PSMA3: variants seen among roughly 807,000 people sequenced by gnomAD.
PSMA3 encodes proteasome subunit alpha type-3.
In PSMA3, 8 loss-of-function variants were observed where a neutral mutation model predicts 40.0. The ratio of observed to expected loss-of-function variants is 0.20; its 90% CI spans 0.12 to 0.36. PSMA3 has a LOEUF of 0.36. Ranked by LOEUF, PSMA3 falls within the 10% of genes least tolerant of loss-of-function variation. The pLI, the probability that PSMA3 is intolerant of heterozygous loss-of-function variation, is 1.00. For missense variants in PSMA3, 219 were observed against 310.6 expected, an observed-to-expected ratio of 0.70 and a Z score of 2.22; for synonymous variants, 110 against 100.0, an observed-to-expected ratio of 1.10 and a Z score of -0.59.
intron 2 of PSMA3, 103 bp downstream of exon 2, chr14:58,247,935 C>CAAAT: frequency 1.5e-6 from 1 of 689,626 alleles, no homozygotes; most frequent in Non-Finnish European, 2.4e-6. Context: ...TATATGTCCC[C>CAAAT]AAATCTCAAT....
chr14:58,267,390 A>G (rs1890473554), intron 7 of PSMA3, 84 bp from the exon 8 acceptor site: 3 of 1,343,570 alleles, frequency 2.2e-6, no homozygotes, highest in African/African-American at 3.0e-5. Flanking sequence ...CCTTGGTTTT[A>G]TATCTGAGTA....
chr14:58,270,799 C>A, intron 9 of PSMA3, 135 bp from the exon 10 acceptor site: 9 of 812,444 alleles, frequency 1.1e-5, no homozygotes, highest in Non-Finnish European at 1.7e-5. Flanking sequence ...CAAAAATATT[C>A]GAGTATTACT....
intron 6 of PSMA3, 189 bp from the exon 7 acceptor site, chr14:58,263,516 G>C: frequency 2.3e-6 from 1 of 443,128 alleles, no homozygotes; most frequent in South Asian, 4.6e-5. Context: ...AGGTTGTTTT[G>C]GAATTGTTTG....
intron 9 of PSMA3, 130 bp downstream of exon 9, chr14:58,270,615 C>G (rs1890586693): frequency 2.7e-6 from 4 of 1,481,136 alleles, no homozygotes; most frequent in Non-Finnish European, 9.0e-7. Context: ...AGGGAAAGTT[C>G]TGCTTAATAA....
intron 3 of PSMA3, among the ~76,000 whole-genome samples, chr14:58,256,473 G>A (rs1197966878): frequency 2.7e-5 from 4 of 147,442 alleles, no homozygotes; most frequent in East Asian, 2.0e-4. Flanking sequence ...GGAGTGCAGT[G>A]GCGCGATCTC....
At chr14:58,269,606 G>C (rs986363527) in intron 8 of PSMA3, 1 of 151,392 alleles carries the variant, frequency 6.6e-6, no homozygotes, top group Non-Finnish European at 1.5e-5. Context: ...GCTAATTTTT[G>C]TATTTTTAGT....
chr14:58,250,726 T>A (rs1244975112), intron 2 of PSMA3, among the ~76,000 whole-genome samples: 3 of 152,220 alleles, frequency 2.0e-5, no homozygotes, highest in Non-Finnish European at 4.4e-5. Flanking sequence ...ACAATTCCCC[T>A]GCTTTTTAGA....
chr14:58,255,370 A>G (rs930923646), intron 3 of PSMA3, among the ~76,000 whole-genome samples: 8 of 152,164 alleles, frequency 5.3e-5, no homozygotes, highest in Non-Finnish European at 8.8e-5. Flanking sequence ...CACAGCAACC[A>G]CTAACAGCCA....
At chr14:58,251,219 A>G (rs557395382) in intron 2 of PSMA3, among the ~76,000 whole-genome samples, 4 of 152,268 alleles carry the variant, frequency 2.6e-5, no homozygotes, top group Non-Finnish European at 5.9e-5. Flanking sequence ...AAGGAATAGA[A>G]GAATAAAGTG....
intron 5 of PSMA3, 30 bp downstream of exon 5, chr14:58,258,028 C>G: frequency 6.7e-7 from 1 of 1,495,110 alleles, no homozygotes; most frequent in Non-Finnish European, 9.3e-7. Context: ...ATTCAAAAGG[C>G]AGATCTGTAC....
chr14:58,252,088 TAAA>T, intron 2 of PSMA3, 28 bp from the exon 3 acceptor site: 1 of 1,566,414 alleles, frequency 6.4e-7, no homozygotes, highest in East Asian at 2.3e-5. Flanking sequence ...TATTTTCAGT[TAAA>T]AAACTGATTT....
chr14:58,270,630 CTT>C (rs1398516607), intron 9 of PSMA3, 145 bp downstream of exon 9: 3 of 1,431,216 alleles, frequency 2.1e-6, no homozygotes, highest in African/African-American at 2.8e-5. Flanking sequence ...TAATAATTGA[CTT>C]AAGTTGTGAA....
chr14:58,245,754 C>G (rs952803457), intron 1 of PSMA3, among the ~76,000 whole-genome samples: 19 of 152,306 alleles, frequency 1.2e-4, no homozygotes, highest in South Asian at 6.2e-4. Flanking sequence ...GTTATTTGCA[C>G]TAGAGTTATT....
At position 58,256,781 on chromosome 14, in the gene PSMA3, A is replaced by G. The variant is rs1196366484; in HGVS notation, c.229-964A>G. On this transcript the variant is annotated intron_variant, in intron 3 of 10. Coordinates refer to ENST00000216455, the MANE Select transcript of PSMA3 (RefSeq NM_002788.4). ...GATTCTGAAGCGTTTTAAATTTCAG[A>G]TTTTTGGATTAGATATCCTCAACCT... Among the ~76,000 whole-genome samples, 3 of 152,198 alleles carry G rather than the reference A, an allele frequency of 2.0e-5. No homozygotes were observed. In the East Asian group the frequency reaches 5.8e-4, roughly 29 times the overall value.
intron 2 of PSMA3, among the ~76,000 whole-genome samples, chr14:58,250,206 C>G (rs11625883): frequency 1.4e-5 from 2 of 138,746 alleles, no homozygotes; most frequent in African/African-American, 5.6e-5. Context: ...GGCAACAGAG[C>G]GAGACTCCAT....
intron 2 of PSMA3, among the ~76,000 whole-genome samples, chr14:58,249,655 A>T (rs533186224): frequency 1.3e-5 from 2 of 152,030 alleles, no homozygotes; most frequent in South Asian, 2.1e-4. Flanking sequence ...TTGGGACTAC[A>T]GGCATGTGCC....
rs767142673 is a variant in PSMA3 at position 58,271,907 on chromosome 14, G to A, written c.*12G>A. 8 of 1,557,810 alleles carry A rather than the reference G, an allele frequency of 5.1e-6. No individual in the cohort carries two copies. The highest frequency in any genetic ancestry group is 4.5e-5 in the South Asian group (4 of 89,542). On this transcript the variant is annotated 3_prime_UTR_variant, in exon 11 of 11. Coordinates refer to ENST00000216455, the MANE Select transcript of PSMA3 (RefSeq NM_002788.4). ...ATGATAATATGTAACATTTACTCCA[G>A]CATCTATTGTATTTTAAATTTCTAC...
At chr14:58,249,007 C>A (rs1470256526) in intron 2 of PSMA3, among the ~76,000 whole-genome samples, 1 of 152,118 alleles carries the variant, frequency 6.6e-6, no homozygotes. Context: ...CTCTTGTTGC[C>A]CAGGCTGGAG....
intron 3 of PSMA3, among the ~76,000 whole-genome samples, chr14:58,254,624 A>G (rs936676180): frequency 3.3e-5 from 5 of 151,740 alleles, no homozygotes; most frequent in African/African-American, 4.8e-5. Flanking sequence ...GCATGAGCCA[A>G]TGTGCCCTGT....
Sources: allele counts gnomAD v4.1 joint callset (sites outside exome capture counted in the v4.1 genomes callset), GRCh38; gene constraint gnomAD v4.1.1; transcripts MANE v1.5; gene names NCBI Gene and HGNC (gene_info 2026-07-23, HGNC 2026-07-21).